Variants in EVC2 observed in about 807,000 individuals in gnomAD.
EVC2 encodes the protein EvC ciliary complex subunit 2.
Under a neutral mutation model 149.3 loss-of-function variants are expected in EVC2, and 148 were observed. The observed-to-expected ratio is 0.99, with a 90% confidence interval of 0.87 to 1.14. The LOEUF is 1.14. Ranked by LOEUF, EVC2 falls within the 50% of genes most tolerant of loss-of-function variation. EVC2 has a pLI of 0.00. For missense variants in EVC2, 1,854 were observed against 1,627.3 expected (o/e 1.14, Z -2.40); for synonymous variants, 776 against 649.9 (o/e 1.19, Z -2.95).
At chr4:5,703,442 G>A (rs1721954220) in intron 1 of EVC2, among the ~76,000 whole-genome samples, 1 of 152,158 alleles carries the variant, frequency 6.6e-6, no homozygotes, top group African/African-American at 2.4e-5. Context: ...CTGCACAGAA[G>A]CATCAAGAGT....
chr4:5,695,943 C>A (rs1187336315), intron 2 of EVC2, among the ~76,000 whole-genome samples: 4 of 151,810 alleles, frequency 2.6e-5, no homozygotes, highest in African/African-American at 9.7e-5. Flanking sequence ...TTTTTTCCTT[C>A]CTTGGGTTGT....
chr4:5,547,253 CT>C (rs1721640544), intron 21 of EVC2, among the ~76,000 whole-genome samples: 1 of 152,254 alleles, frequency 6.6e-6, no homozygotes, highest in South Asian at 2.1e-4. Flanking sequence ...CCCCTCTGGA[CT>C]TTGGACACCA....
downstream of EVC2, among the ~76,000 whole-genome samples, chr4:5,539,082 A>C (rs1320973043): frequency 6.6e-6 from 1 of 152,182 alleles, no homozygotes; most frequent in Non-Finnish European, 1.5e-5. Context: ...CACTAAAGCT[A>C]ATCAGTAAGC....
At chr4:5,582,016 A>G (rs936697894) in intron 17 of EVC2, among the ~76,000 whole-genome samples, 4 of 152,212 alleles carry the variant, frequency 2.6e-5, no homozygotes, top group Non-Finnish European at 5.9e-5. Context: ...CAGAGGATAT[A>G]TGGAAAAGTC....
chr4:5,665,202 T>C (rs957699762), intron 8 of EVC2, among the ~76,000 whole-genome samples: 2 of 152,064 alleles, frequency 1.3e-5, no homozygotes, highest in African/African-American at 2.4e-5. Context: ...CCCAGCTACC[T>C]GGAAGGCTGA....
chr4:5,549,041 A>G (rs1045543759), intron 21 of EVC2, among the ~76,000 whole-genome samples: 3 of 139,844 alleles, frequency 2.1e-5, no homozygotes, highest in African/African-American at 5.3e-5. Flanking sequence ...GCTGGGTACT[A>G]TCATTTAATA....
rs534281194 is a variant in EVC2 at position 5,569,788 on chromosome 4, G to A, written c.3361-1148C>T. On this transcript the variant is annotated intron_variant, in intron 19 of 21. Transcript: ENST00000344408. This position sits in a 1 kb window ranked among gnomAD's most constrained non-coding sequence, Gnocchi z 4.8. The stretch of plus-strand genomic sequence containing the variant: ...CTCGACCCCTTGGAAACATGGGGTC[G>A]CTGTGACCTTGGTAAGTGCTTTCAG... Among the ~76,000 whole-genome samples the A allele has an allele frequency of 4.6e-5, 7 of 152,096 alleles. No homozygotes were observed. The highest frequency in any genetic ancestry group is 7.2e-5 in the African/African-American group (3 of 41,498).
intron 21 of EVC2, among the ~76,000 whole-genome samples, chr4:5,545,758 A>C (rs1721604244): frequency 6.6e-6 from 1 of 152,178 alleles, no homozygotes; most frequent in African/African-American, 2.4e-5. Flanking sequence ...TATAAAGATT[A>C]TACCACAAAT....
At chr4:5,688,080 G>C (rs1251180413) in intron 5 of EVC2, among the ~76,000 whole-genome samples, 1 of 152,134 alleles carries the variant, frequency 6.6e-6, no homozygotes, top group Non-Finnish European at 1.5e-5. Context: ...TATCATTGAA[G>C]GCAGGAAAGC....
At chr4:5,609,602 A>C (rs1714667407) in intron 16 of EVC2, among the ~76,000 whole-genome samples, 1 of 152,202 alleles carries the variant, frequency 6.6e-6, no homozygotes, top group South Asian at 2.1e-4. Flanking sequence ...CGAGCACTAC[A>C]GCCCACTCCA....
At chr4:5,708,640 A>G (rs1722378739), upstream of EVC2, 1 of 634,552 alleles carries the variant, frequency 1.6e-6, no homozygotes, top group African/African-American at 1.9e-5. Flanking sequence ...TCTGGAACAA[A>G]CACCCGCATC....
rs56705679 is a variant in EVC2, at chr4:5,625,349, A to C, written c.2046+400T>G. Among the ~76,000 whole-genome samples the C allele has an allele frequency of 7.7e-3, 1,027 of 133,864 alleles. 14 individuals are homozygous for C. The highest frequency in any genetic ancestry group is 0.025 in the African/African-American group (869 of 35,344). The allele number at this position is 133,864 out of a possible 152,430, so 87.8% of individuals were successfully genotyped here. ...ACACACACACACACACACACACACA[A>C]ACCCAGTGGTATCTCCCTCATAGGG... On this transcript the variant is annotated intron_variant, in intron 13 of 21. Transcript: ENST00000344408. This position sits in a 1 kb window ranked among gnomAD's most constrained non-coding sequence, Gnocchi z 4.0.
At chr4:5,603,308 G>A (rs1345318059) in intron 16 of EVC2, among the ~76,000 whole-genome samples, 1 of 152,164 alleles carries the variant, frequency 6.6e-6, no homozygotes, top group Non-Finnish European at 1.5e-5. Flanking sequence ...TTTGACAGAG[G>A]CTGCCTCAAG....
intron 8 of EVC2, among the ~76,000 whole-genome samples, 187 bp from the exon 9 acceptor site, chr4:5,663,433 T>C (rs1719038488): frequency 2.0e-5 from 3 of 152,152 alleles, no homozygotes; most frequent in Admixed American, 6.5e-5. Context: ...TGCAAAGAAA[T>C]GGGATCATAA....
intron 21 of EVC2, among the ~76,000 whole-genome samples, chr4:5,563,952 AC>A (rs1352112112): frequency 6.6e-6 from 1 of 151,956 alleles, no homozygotes; most frequent in African/African-American, 2.4e-5. Flanking sequence ...GGGCAGTCCA[AC>A]CCCTGACTCC....
chr4:5,571,966 C>A (rs1323352297), intron 19 of EVC2, among the ~76,000 whole-genome samples: 1 of 152,180 alleles, frequency 6.6e-6, no homozygotes, highest in Admixed American at 6.5e-5. Context: ...ATTCGAACTG[C>A]AACTCCTTCC....
At chr4:5,615,609 C>T (rs533473467) in intron 15 of EVC2, 65 bp from the exon 16 acceptor site, 343 of 1,612,370 alleles carry the variant, frequency 2.1e-4, no homozygotes, top group South Asian at 1.1e-3. Flanking sequence ...GCAGCTCCCC[C>T]GAGGGCTTTG....
Position 5,708,435 on chromosome 4 carries a change from C to A in EVC2, c.79G>T (p.Gly27Cys). 1.3e-6 allele frequency: 2 copies of A among 1,504,584 alleles called. No homozygotes were observed. The highest frequency in any genetic ancestry group is 2.3e-4 in the Middle Eastern group (1 of 4,352). 93.2% of individuals were successfully genotyped at this position (1,504,584 alleles called of 1,614,324 possible). A position where few individuals can be genotyped will look rare whatever the true frequency, so the allele number is the denominator to read the frequency against. Residue 27 changes from glycine to cysteine, a missense_variant, in exon 1 of 22, where the codon GGC becomes TGC. Coordinates refer to ENST00000344408, the MANE Select transcript of EVC2 (RefSeq NM_147127.5). ...GAGCTGGCGCCGAGACAGCCTCGGC[C>A]CCCCAGCGCCAGGGCCACTGCCAGG... is the stretch of plus-strand genomic sequence containing the variant. Reference protein sequence around the residue: ...GLLAVALALGGRGCLGASSRP... With the variant: ...GLLAVALALGCRGCLGASSRP...
intron 10 of EVC2, among the ~76,000 whole-genome samples, chr4:5,635,207 T>G (rs571662736): frequency 6.6e-6 from 1 of 151,982 alleles, no homozygotes; most frequent in East Asian, 1.9e-4. Flanking sequence ...CAGCTAATTT[T>G]TGTATTTTTA....
Sources: gnomAD v4.1 joint callset for allele counts (sites outside exome capture counted in the v4.1 genomes callset) on GRCh38, gnomAD v4.1.1 for gene constraint, Gnocchi (gnomAD v3.1) non-coding constraint, MANE v1.5 for transcripts, NCBI Gene and HGNC (gene_info 2026-07-23, HGNC 2026-07-21) for gene names.